Variants in ADK observed in about 807,000 individuals in gnomAD.
ADK encodes the protein adenosine kinase, also known as N6,N6-dimethyladenosine kinase.
Under a neutral mutation model 44.7 loss-of-function variants are expected in ADK, and 24 were observed. That is an observed-to-expected ratio of 0.54 (90% CI 0.39 to 0.76). The LOEUF is 0.76. ADK is among the 30% of genes least tolerant of loss of function. The pLI is 0.00. For missense variants in ADK, 321 were observed against 425.1 expected (o/e 0.76, Z 2.15); for synonymous variants, 128 against 142.6 (o/e 0.90, Z 0.73).
At chr10:74,620,147 A>G (rs1040622908) in intron 9 of ADK, among the ~76,000 whole-genome samples, 1 of 152,190 alleles carries the variant, frequency 6.6e-6, no homozygotes, top group Admixed American at 6.5e-5. Flanking sequence ...TCACTATTTG[A>G]AACTATGTAA....
intron 3 of ADK, among the ~76,000 whole-genome samples, chr10:74,281,868 A>G (rs1846951110): frequency 6.6e-6 from 1 of 152,136 alleles, no homozygotes; most frequent in African/African-American, 2.4e-5. Context: ...TGGACCTGAC[A>G]TTTTAGTTGT....
At chr10:74,483,243 G>A (rs1236844399) in intron 6 of ADK, among the ~76,000 whole-genome samples, 1 of 152,186 alleles carries the variant, frequency 6.6e-6, no homozygotes, top group Non-Finnish European at 1.5e-5. Context: ...AAGCTGCCAA[G>A]GCTTACAGCT....
chr10:74,556,187 A>C (rs1850238934), intron 7 of ADK, among the ~76,000 whole-genome samples: 1 of 152,178 alleles, frequency 6.6e-6, no homozygotes, highest in South Asian at 2.1e-4. Flanking sequence ...CAACTTATAC[A>C]TGTTTTACAT....
chr10:74,468,474 A>C (rs923905595), intron 6 of ADK, among the ~76,000 whole-genome samples: 1 of 152,182 alleles, frequency 6.6e-6, no homozygotes, highest in African/African-American at 2.4e-5. Flanking sequence ...AGAATCAGTA[A>C]AATTTATTAT....
chr10:74,494,913 A>G (rs1382297150), intron 6 of ADK, among the ~76,000 whole-genome samples: 1 of 152,226 alleles, frequency 6.6e-6, no homozygotes, highest in Non-Finnish European at 1.5e-5. Flanking sequence ...AAAGTGTCTC[A>G]AAGTATCTCT....
intron 4 of ADK, among the ~76,000 whole-genome samples, chr10:74,360,891 T>G (rs1361911260): frequency 6.6e-6 from 1 of 152,168 alleles, no homozygotes; most frequent in Non-Finnish European, 1.5e-5. Flanking sequence ...TTAAAATCCA[T>G]TCACCCACCC....
chr10:74,465,319 G>A lies in ADK; in HGVS notation c.556-59937G>A, dbSNP rs537439967. Among the ~76,000 whole-genome samples the A allele has an allele frequency of 5.9e-5, 9 of 152,272 alleles. No homozygotes were observed. In the South Asian group the frequency reaches 1.9e-3, roughly 32 times the overall value. On this transcript the variant is annotated intron_variant, in intron 6 of 10. Transcript: ENST00000539909. Reference sequence around the variant, plus strand: ...GAGATTAATATGGCTAGAGTAAAATGAGCAATGGGAAAAGTAAGTAGGAGA... The same window carrying A: ...GAGATTAATATGGCTAGAGTAAAATAAGCAATGGGAAAAGTAAGTAGGAGA...
chr10:74,438,623 G>A (rs1845275799), intron 6 of ADK, among the ~76,000 whole-genome samples: 1 of 151,952 alleles, frequency 6.6e-6, no homozygotes, highest in Non-Finnish European at 1.5e-5. Flanking sequence ...TTATTATTTT[G>A]TATACTCTAT....
intron 9 of ADK, among the ~76,000 whole-genome samples, chr10:74,604,668 A>G (rs1459130386): frequency 2.0e-5 from 3 of 152,140 alleles, no homozygotes; most frequent in Admixed American, 2.0e-4. Context: ...CTTATAGTAT[A>G]GTTTGAAGTC....
At chr10:74,223,253 GTCTCT>G (rs1278639843) in intron 2 of ADK, among the ~76,000 whole-genome samples, 1 of 151,992 alleles carries the variant, frequency 6.6e-6, no homozygotes, top group African/African-American at 2.4e-5. Flanking sequence ...GGTAGCTCAG[GTCTCT>G]TCTCTTCTTT....
chr10:74,299,531 T>TAA (rs1554840016), intron 3 of ADK, among the ~76,000 whole-genome samples: 221 of 146,364 alleles, frequency 1.5e-3, no homozygotes, highest in Non-Finnish European at 2.1e-3. Flanking sequence ...TATATATATA[T>TAA]AAAATATATT....
At chr10:74,306,833 C>T (rs1343263717) in intron 3 of ADK, among the ~76,000 whole-genome samples, 1 of 152,136 alleles carries the variant, frequency 6.6e-6, no homozygotes, top group African/African-American at 2.4e-5. Flanking sequence ...AATGAGGGTA[C>T]CAAACTGACC....
At chr10:74,542,114 A>T (rs1849661491) in intron 7 of ADK, among the ~76,000 whole-genome samples, 1 of 148,906 alleles carries the variant, frequency 6.7e-6, no homozygotes, top group East Asian at 2.1e-4. Context: ...AGTGGCATGC[A>T]CCTGTAGTCC....
At chr10:74,263,108 C>T (rs533056005) in intron 3 of ADK, among the ~76,000 whole-genome samples, 15 of 152,276 alleles carry the variant, frequency 9.9e-5, no homozygotes, top group East Asian at 9.6e-4. Context: ...CAGGTAATAG[C>T]AAAGTTTTCT....
chr10:74,646,766 T>C (rs959801864), intron 9 of ADK, among the ~76,000 whole-genome samples: 1 of 152,102 alleles, frequency 6.6e-6, no homozygotes, highest in African/African-American at 2.4e-5. Flanking sequence ...CAATATAAGC[T>C]CAGCCACAGT....
intron 2 of ADK, among the ~76,000 whole-genome samples, chr10:74,221,731 T>C (rs1844317811): frequency 6.8e-6 from 1 of 146,128 alleles, no homozygotes; most frequent in African/African-American, 2.6e-5. Context: ...TCTACAACTA[T>C]CTGATCTTTG....
chr10:74,239,675 C>T (rs1173819832), intron 3 of ADK, among the ~76,000 whole-genome samples: 1 of 137,528 alleles, frequency 7.3e-6, no homozygotes, highest in African/African-American at 2.7e-5. Context: ...ATGATTGCGC[C>T]ACTGGACTCC....
intron 9 of ADK, among the ~76,000 whole-genome samples, chr10:74,658,984 G>A (rs1016669268): frequency 6.6e-6 from 1 of 152,086 alleles, no homozygotes; most frequent in Non-Finnish European, 1.5e-5. Context: ...GGGAAGCCAA[G>A]GTGGGAGGAT....
At chr10:74,424,262 G>T (rs1014432667) in intron 6 of ADK, among the ~76,000 whole-genome samples, 3 of 152,156 alleles carry the variant, frequency 2.0e-5, no homozygotes, top group South Asian at 2.1e-4. Context: ...AATATGGCCG[G>T]GCATGGTGGC....
Sources: allele counts gnomAD v4.1 joint callset (sites outside exome capture counted in the v4.1 genomes callset), GRCh38; gene constraint gnomAD v4.1.1; transcripts MANE v1.5; gene names NCBI Gene and HGNC (gene_info 2026-07-23, HGNC 2026-07-21).